Variants in RNF214 observed in about 807,000 individuals in gnomAD.
The protein encoded by RNF214 is ring finger protein 214.
Under a neutral mutation model 75.9 loss-of-function variants are expected in RNF214, and 25 were observed. The observed-to-expected ratio is 0.33, with a 90% confidence interval of 0.24 to 0.46. RNF214 has a LOEUF of 0.46. Among genes scored for constraint, RNF214 ranks in the 20% least tolerant of loss-of-function variants. RNF214 has a pLI of 1.00. For synonymous variants in RNF214, 314 were observed against 308.8 expected (o/e 1.02, Z -0.18); for missense variants, 725 against 857.5 (o/e 0.85, Z 1.93).
At chr11:117,238,543 T>C (rs1341375841) in intron 2 of RNF214, 58 bp from the exon 3 acceptor site, 2 of 1,453,818 alleles carry the variant, frequency 1.4e-6, no homozygotes, top group African/African-American at 2.8e-5. Flanking sequence ...GTTTTGTTCT[T>C]CTAGTAGTTA....
At chr11:117,277,952 C>A (rs1200771303) in intron 6 of RNF214, among the ~76,000 whole-genome samples, 1 of 145,938 alleles carries the variant, frequency 6.9e-6, no homozygotes, top group Non-Finnish European at 1.5e-5. Context: ...CCAGACTGGG[C>A]AACAGATAGA....
chr11:117,280,328 C>G (rs2034102226), intron 8 of RNF214, 69 bp downstream of exon 8: 1 of 1,049,682 alleles, frequency 9.5e-7, no homozygotes, highest in East Asian at 2.4e-5. Context: ...TAGGTTTTTT[C>G]ATTCCTAGGC....
chr11:117,282,389 AT>A lies in RNF214; in HGVS notation c.1713-7del, dbSNP rs746837749. 6.2e-6 allele frequency: 10 copies of A among 1,612,148 alleles called. No individual in the cohort carries two copies. The highest frequency in any genetic ancestry group is 3.3e-5 in the South Asian group (3 of 90,918). On this transcript the variant is annotated splice_polypyrimidine_tract_variant and intron_variant, in intron 11 of 14. Transcript: ENST00000300650. ...TAGCATAGGCTTTCTCTCCCTCAAC[AT>A]TTTTTTTCCTCAGGGCCCAGATGAC...
chr11:117,268,705 A>G (rs2033847008), intron 6 of RNF214, among the ~76,000 whole-genome samples: 1 of 152,220 alleles, frequency 6.6e-6, no homozygotes, highest in Non-Finnish European at 1.5e-5. Flanking sequence ...TTGAAATCAA[A>G]TTATCAGCTT....
intron 6 of RNF214, among the ~76,000 whole-genome samples, chr11:117,252,582 G>A (rs540778966): frequency 1.3e-5 from 2 of 151,872 alleles, no homozygotes; most frequent in Non-Finnish European, 1.5e-5. Context: ...GCGCAGTGGC[G>A]TGATCTTGGT....
chr11:117,260,185 C>T (rs921071470), intron 6 of RNF214, among the ~76,000 whole-genome samples: 1 of 151,834 alleles, frequency 6.6e-6, no homozygotes, highest in Non-Finnish European at 1.5e-5. Context: ...TGGCTATTCA[C>T]AGGTGCAGTC....
At chr11:117,258,487 T>G (rs1303834235) in intron 6 of RNF214, among the ~76,000 whole-genome samples, 1 of 152,182 alleles carries the variant, frequency 6.6e-6, no homozygotes, top group Non-Finnish European at 1.5e-5. Context: ...CATCAGTAAC[T>G]TTGCCCCTGA....
intron 2 of RNF214, among the ~76,000 whole-genome samples, chr11:117,237,193 C>T (rs1037906069): frequency 2.6e-5 from 4 of 152,238 alleles, no homozygotes; most frequent in East Asian, 1.9e-4. Context: ...AGTCCTCTCA[C>T]TTCAGCCTCC....
At chr11:117,259,936 T>C (rs2033617335) in intron 6 of RNF214, among the ~76,000 whole-genome samples, 1 of 152,206 alleles carries the variant, frequency 6.6e-6, no homozygotes, top group African/African-American at 2.4e-5. Context: ...AACTTTTCTT[T>C]TATAGTTAGT....
Position 117,246,932 on chromosome 11 carries a change from T to G in RNF214, c.943T>G (p.Cys315Gly), listed in dbSNP as rs201127643. 12 of 1,610,834 alleles carry G rather than the reference T, an allele frequency of 7.4e-6. No homozygotes were observed. The highest frequency in any genetic ancestry group is 1.0e-5 in the Non-Finnish European group (12 of 1,178,862). The change falls in exon 6 of 15, where the codon TGT becomes GGT. Residue 315 changes from cysteine to glycine, a missense_variant. Physicochemically the swap from Cys to Gly is radical, Grantham distance 159. This residue lies in a region of RNF214 where 363 missense variants were observed against 513.0 expected (regional missense o/e 0.71). Coordinates refer to ENST00000300650, the MANE Select transcript of RNF214 (RefSeq NM_207343.4). Reference protein sequence around the residue: ...QDLKAEIEKLCEKGRREVWEM... With the variant: ...QDLKAEIEKLGEKGRREVWEM... ...TCTGAAAGCTGAAATTGAGAAGCTTTGTGAGAAGGGCAGAAGGTAACTGAT... is the reference window on the plus strand; with the variant it reads ...TCTGAAAGCTGAAATTGAGAAGCTTGGTGAGAAGGGCAGAAGGTAACTGAT...
chr11:117,277,008 G>C (rs1000793407), intron 6 of RNF214, among the ~76,000 whole-genome samples: 16 of 152,180 alleles, frequency 1.1e-4, no homozygotes, highest in African/African-American at 3.6e-4. Flanking sequence ...GGGAATATGT[G>C]TTGTAGCAAG....
chr11:117,243,119 G>C lies in RNF214; in HGVS notation c.679-1326G>C, dbSNP rs144108080. Reference sequence around the variant, plus strand: ...TGTCCCAAAGCCAAGGTCCTATCTTGAGAGCCTTTTTTATTAATTAATTAA... The same window carrying C: ...TGTCCCAAAGCCAAGGTCCTATCTTCAGAGCCTTTTTTATTAATTAATTAA... On this transcript the variant is annotated intron_variant, in intron 4 of 14. Coordinates refer to ENST00000300650, the MANE Select transcript of RNF214 (RefSeq NM_207343.4). Among the ~76,000 whole-genome samples, 79 of 149,208 alleles carry C rather than the reference G, an allele frequency of 5.3e-4. No individual in the cohort carries two copies. In the South Asian group the frequency reaches 0.012, roughly 23 times the overall value.
intron 3 of RNF214, 52 bp from the exon 4 acceptor site, chr11:117,239,749 C>T (rs1474489120): frequency 1.0e-6 from 1 of 985,522 alleles, no homozygotes; most frequent in Non-Finnish European, 1.6e-6. Context: ...GTGATTCTGC[C>T]TCTTTTAAAG....
intron 6 of RNF214, among the ~76,000 whole-genome samples, chr11:117,269,303 C>T (rs1192049579): frequency 2.0e-5 from 3 of 152,102 alleles, no homozygotes; most frequent in Non-Finnish European, 4.4e-5. Flanking sequence ...GGACAAGGTT[C>T]TTTTGAACTT....
At chr11:117,267,838 A>C (rs1370688336) in intron 6 of RNF214, among the ~76,000 whole-genome samples, 1 of 152,218 alleles carries the variant, frequency 6.6e-6, no homozygotes, top group Non-Finnish European at 1.5e-5. Flanking sequence ...ACTTCTGTAG[A>C]ACCTAAAATG....
At position 117,233,252 on chromosome 11, in the gene RNF214, G is replaced by GT. The variant is rs199530197; in HGVS notation, c.-7+528dup. On this transcript the variant is annotated intron_variant, in intron 1 of 14. Coordinates refer to ENST00000300650, the MANE Select transcript of RNF214 (RefSeq NM_207343.4). ...AGAGGACCCCCCAGCCCTGGGCTATGTTGGAGACGGGATGTTTGCACCTGA... is the reference window on the plus strand; with the variant it reads ...AGAGGACCCCCCAGCCCTGGGCTATGTTTGGAGACGGGATGTTTGCACCTGA... Among the ~76,000 whole-genome samples, 795 of 152,344 alleles carry GT rather than the reference G, an allele frequency of 5.2e-3. 5 individuals are homozygous for GT. Among genetic ancestry groups the GT allele is most frequent in the African/African-American group, 0.018 (743 of 41,584 alleles).
intron 5 of RNF214, among the ~76,000 whole-genome samples, chr11:117,245,779 T>C (rs564933249): frequency 2.2e-4 from 34 of 152,158 alleles, no homozygotes; most frequent in Non-Finnish European, 3.5e-4. Flanking sequence ...AAATAATGTA[T>C]GTAAAATGAC....
chr11:117,267,478 G>A (rs1030576321), intron 6 of RNF214, among the ~76,000 whole-genome samples: 2 of 152,068 alleles, frequency 1.3e-5, no homozygotes, highest in Non-Finnish European at 2.9e-5. Flanking sequence ...TTGGGAGGCC[G>A]AGGTGGGTGG....
At chr11:117,261,674 C>T (rs1367774678) in intron 6 of RNF214, among the ~76,000 whole-genome samples, 1 of 152,182 alleles carries the variant, frequency 6.6e-6, no homozygotes, top group African/African-American at 2.4e-5. Context: ...GTGACAGAGT[C>T]TCCCTCTGTC....
Sources: allele counts gnomAD v4.1 joint callset (sites outside exome capture counted in the v4.1 genomes callset), GRCh38; gene constraint gnomAD v4.1.1; regional missense constraint gnomAD v4.1.1; transcripts MANE v1.5; gene names NCBI Gene and HGNC (gene_info 2026-07-23, HGNC 2026-07-21).